ZMAT4: variants seen among roughly 807,000 people sequenced by gnomAD.
ZMAT4 encodes zinc finger matrin-type 4.
Under a neutral mutation model 28.7 loss-of-function variants are expected in ZMAT4, and 17 were observed. That is an observed-to-expected ratio of 0.59 (90% CI 0.41 to 0.89). The LOEUF (loss-of-function observed/expected upper bound fraction) is 0.89. Ranked by LOEUF, ZMAT4 falls within the 40% of genes least tolerant of loss-of-function variation. ZMAT4 has a pLI of 0.00. For synonymous variants in ZMAT4, 117 were observed against 109.2 expected (o/e 1.07, Z -0.44); for missense variants, 240 against 283.8 (o/e 0.85, Z 1.11).
intron 5 of ZMAT4, among the ~76,000 whole-genome samples, chr8:40,629,805 G>A (rs939358338): frequency 5.9e-5 from 9 of 151,930 alleles, no homozygotes; most frequent in East Asian, 1.9e-4. Context: ...CCAGTCTATC[G>A]TTGTTGGACA....
intron 3 of ZMAT4, among the ~76,000 whole-genome samples, chr8:40,728,794 G>T: frequency 6.6e-6 from 1 of 152,104 alleles, no homozygotes; most frequent in Non-Finnish European, 1.5e-5. Flanking sequence ...AGAACAAGAC[G>T]CCAACCATTT....
At chr8:40,705,828 C>T (rs1364819678) in intron 3 of ZMAT4, among the ~76,000 whole-genome samples, 1 of 152,152 alleles carries the variant, frequency 6.6e-6, no homozygotes, top group Non-Finnish European at 1.5e-5. Context: ...AAACTTATTT[C>T]TTCTTTCCTT....
At chr8:40,680,608 G>T (rs1809114643) in intron 4 of ZMAT4, among the ~76,000 whole-genome samples, 1 of 151,732 alleles carries the variant, frequency 6.6e-6, no homozygotes, top group Non-Finnish European at 1.5e-5. Context: ...CTGCCTTCTA[G>T]GCCCTTCCAG....
At chr8:40,535,633 C>T (rs1403297044) in intron 6 of ZMAT4, among the ~76,000 whole-genome samples, 1 of 150,170 alleles carries the variant, frequency 6.7e-6, no homozygotes, top group African/African-American at 2.5e-5. Flanking sequence ...TTTGCCACTG[C>T]ACTCCAGCCT....
chr8:40,622,144 T>C (rs1327213968), intron 5 of ZMAT4, among the ~76,000 whole-genome samples: 1 of 152,198 alleles, frequency 6.6e-6, no homozygotes, highest in Non-Finnish European at 1.5e-5. Context: ...AATTGAAAAA[T>C]GACCTGGTAA....
At chr8:40,802,586 T>G (rs1814897887) in intron 2 of ZMAT4, among the ~76,000 whole-genome samples, 1 of 152,114 alleles carries the variant, frequency 6.6e-6, no homozygotes, top group Non-Finnish European at 1.5e-5. Flanking sequence ...TAGAGAGATA[T>G]TCCATGTTCA....
intron 1 of ZMAT4, among the ~76,000 whole-genome samples, chr8:40,892,347 T>C (rs1369930900): frequency 1.3e-5 from 2 of 152,030 alleles, no homozygotes; most frequent in Non-Finnish European, 2.9e-5. Flanking sequence ...TAGAACACAT[T>C]CCCGCCACCC....
chr8:40,658,147 C>T (rs1808011705), intron 5 of ZMAT4, among the ~76,000 whole-genome samples: 1 of 152,118 alleles, frequency 6.6e-6, no homozygotes. Context: ...TTCCCTAACT[C>T]ACTGTGAGTA....
rs879662050 is a variant in ZMAT4, at chr8:40,754,170, C to CA, written c.192+13470dup. Among the ~76,000 whole-genome samples the CA allele has an allele frequency of 4.7e-3, 548 of 116,914 alleles. 3 individuals are homozygous for CA. The highest frequency in any genetic ancestry group is 9.2e-3 in the Middle Eastern group (2 of 218). The allele number at this position is 116,914 out of a possible 152,430, so 76.7% of individuals were successfully genotyped here. A position where few individuals can be genotyped will look rare whatever the true frequency, so the allele number is the denominator to read the frequency against. ...CTGGCAACAGAGCAAGACTCCATCTCAAAAAAAAAAAAGAAAAAAGGTTTA... is the reference window on the plus strand; with the variant it reads ...CTGGCAACAGAGCAAGACTCCATCTCAAAAAAAAAAAAAGAAAAAAGGTTTA... On this transcript the variant is annotated intron_variant, in intron 3 of 6. Transcript: ENST00000297737.
chr8:40,585,573 A>G (rs1804640776), intron 5 of ZMAT4, among the ~76,000 whole-genome samples: 1 of 152,180 alleles, frequency 6.6e-6, no homozygotes, highest in South Asian at 2.1e-4. Flanking sequence ...TGTCAGAACA[A>G]TACTGGACCT....
chr8:40,620,318 A>T (rs1025167444), intron 5 of ZMAT4, among the ~76,000 whole-genome samples: 8 of 152,346 alleles, frequency 5.3e-5, no homozygotes, highest in African/African-American at 1.9e-4. Context: ...GCAAAGGTTG[A>T]TGTGGGAAAT....
At chr8:40,688,349 G>A (rs374581071) in intron 4 of ZMAT4, among the ~76,000 whole-genome samples, 36 of 152,158 alleles carry the variant, frequency 2.4e-4, no homozygotes, top group East Asian at 7.7e-4. Context: ...CCAGCTGCTC[G>A]GGAGGCTGAG....
intron 5 of ZMAT4, among the ~76,000 whole-genome samples, chr8:40,624,294 G>A (rs1309450521): frequency 6.6e-6 from 1 of 152,196 alleles, no homozygotes; most frequent in African/African-American, 2.4e-5. Flanking sequence ...ACACACTGAG[G>A]AAAGATCATG....
intron 1 of ZMAT4, among the ~76,000 whole-genome samples, chr8:40,833,987 AC>A (rs1816386341): frequency 6.6e-6 from 1 of 152,176 alleles, no homozygotes; most frequent in African/African-American, 2.4e-5. Context: ...AACTCCCCAC[AC>A]CACTGCCTTC....
intron 6 of ZMAT4, among the ~76,000 whole-genome samples, chr8:40,561,904 C>T (rs1302749555): frequency 3.3e-5 from 5 of 151,950 alleles, no homozygotes; most frequent in African/African-American, 1.2e-4. Flanking sequence ...AGGTCTAATC[C>T]CTGTTATAAA....
intron 3 of ZMAT4, among the ~76,000 whole-genome samples, chr8:40,712,097 G>C (rs1442893137): frequency 6.6e-6 from 1 of 152,192 alleles, no homozygotes; most frequent in Non-Finnish European, 1.5e-5. Context: ...AAATTAATTT[G>C]ATAGACCACC....
intron 1 of ZMAT4, among the ~76,000 whole-genome samples, chr8:40,883,870 T>C (rs887907660): frequency 2.6e-5 from 4 of 152,180 alleles, no homozygotes; most frequent in African/African-American, 4.8e-5. Flanking sequence ...TAGGAATCTA[T>C]GAGACTGTTT....
At position 40,600,845 on chromosome 8, in the gene ZMAT4, C is replaced by T. The variant is rs541520415; in HGVS notation, c.578-19584G>A. Among the ~76,000 whole-genome samples the T allele has an allele frequency of 2.6e-5, 4 of 152,296 alleles. No individual in the cohort carries two copies. The South Asian group carries it at 8.3e-4, about 32-fold the overall frequency. On this transcript the variant is annotated intron_variant, in intron 5 of 6. Transcript: ENST00000297737. ...AGCTGTCCACAGACAGACTAGCAAG[C>T]TGCTGCATCCTACTCTTAATTAATA... is the stretch of plus-strand genomic sequence containing the variant.
At chr8:40,709,763 G>A (rs1401466355) in intron 3 of ZMAT4, among the ~76,000 whole-genome samples, 1 of 152,140 alleles carries the variant, frequency 6.6e-6, no homozygotes, top group Admixed American at 6.6e-5. Context: ...GTTGAGCCGG[G>A]CGTGGTGGCT....
Sources: allele counts gnomAD v4.1 joint callset (sites outside exome capture counted in the v4.1 genomes callset), GRCh38; gene constraint gnomAD v4.1.1; transcripts MANE v1.5; gene names NCBI Gene and HGNC (gene_info 2026-07-23, HGNC 2026-07-21).